LRRC69: variants seen among roughly 807,000 people sequenced by gnomAD.
LRRC69 encodes leucine rich repeat containing 69.
Under a neutral mutation model 37.8 loss-of-function variants are expected in LRRC69, and 42 were observed. That is an observed-to-expected ratio of 1.11 (90% confidence interval 0.87 to 1.44). LRRC69 has a LOEUF of 1.44. LRRC69 is among the 40% of genes most tolerant of loss of function. The probability of loss-of-function intolerance (pLI) is 0.00; values close to 1 mark genes in which losing one functional copy is unlikely to be tolerated. For missense variants in LRRC69, 357 were observed against 401.9 expected, an observed-to-expected ratio of 0.89 and a Z score of 0.96; for synonymous variants, 141 against 143.1, an observed-to-expected ratio of 0.99 and a Z score of 0.11.
rs570129113 is a variant in LRRC69 at position 91,181,998 on chromosome 8, C to T, written c.652-7524C>T. Among the ~76,000 whole-genome samples, 12 of 152,258 alleles carry T rather than the reference C, an allele frequency of 7.9e-5. No homozygotes were observed. In the South Asian group the frequency reaches 1.9e-3, roughly 24 times the overall value. On this transcript the variant is annotated intron_variant, in intron 5 of 7. Transcript: ENST00000448384. ...AAAATATGGAAAAATAAAAGACTAT[C>T]AGCTTTGATATTGACAGGCACATTT...
At chr8:91,136,568 C>T (rs925669985) in intron 5 of LRRC69, among the ~76,000 whole-genome samples, 8 of 151,992 alleles carry the variant, frequency 5.3e-5, no homozygotes, top group South Asian at 4.1e-4. Context: ...GTACTAAGTA[C>T]TTTCACATTG....
At chr8:91,150,814 G>T (rs1408255006) in intron 5 of LRRC69, among the ~76,000 whole-genome samples, 1 of 151,972 alleles carries the variant, frequency 6.6e-6, no homozygotes, top group Non-Finnish European at 1.5e-5. Context: ...TTAGTCTTGG[G>T]AGAGTGTATG....
chr8:91,173,507 T>C (rs4259381), intron 5 of LRRC69, among the ~76,000 whole-genome samples: 1 of 151,596 alleles, frequency 6.6e-6, no homozygotes, highest in South Asian at 2.1e-4. Flanking sequence ...TGTATGCCTA[T>C]TTTTACCGTC....
intron 6 of LRRC69, among the ~76,000 whole-genome samples, chr8:91,192,327 G>A (rs1809512586): frequency 6.6e-6 from 1 of 152,092 alleles, no homozygotes; most frequent in Admixed American, 6.5e-5. Flanking sequence ...TGTCTTTACA[G>A]CAGCATGATT....
chr8:91,159,787 C>T (rs535224453), intron 5 of LRRC69, among the ~76,000 whole-genome samples: 1 of 151,176 alleles, frequency 6.6e-6, no homozygotes, highest in African/African-American at 2.4e-5. Flanking sequence ...TTCTCAAAAA[C>T]ATAGAGAAAT....
intron 6 of LRRC69, 36 bp from the exon 7 acceptor site, chr8:91,200,577 A>G (rs1168053223): frequency 7.6e-7 from 1 of 1,311,392 alleles, no homozygotes; most frequent in Non-Finnish European, 1.0e-6. Context: ...AGTTTTGAAA[A>G]CAATCTGAGG....
chr8:91,111,842 C>T (rs1172434994), intron 1 of LRRC69, among the ~76,000 whole-genome samples: 2 of 151,508 alleles, frequency 1.3e-5, no homozygotes, highest in Admixed American at 6.6e-5. Context: ...CACAAGTTTA[C>T]CTATGTAACA....
At chr8:91,144,953 A>G (rs1415868608) in intron 5 of LRRC69, among the ~76,000 whole-genome samples, 1 of 152,010 alleles carries the variant, frequency 6.6e-6, no homozygotes, top group Admixed American at 6.6e-5. Context: ...TCCATATATG[A>G]GCAGTAACAC....
At chr8:91,107,661 G>A (rs541917273) in intron 1 of LRRC69, among the ~76,000 whole-genome samples, 1 of 152,104 alleles carries the variant, frequency 6.6e-6, no homozygotes, top group East Asian at 1.9e-4. Context: ...ATGATAAAAT[G>A]AGGGGGTAGG....
intron 5 of LRRC69, among the ~76,000 whole-genome samples, chr8:91,159,413 G>T (rs1563609243): frequency 6.6e-6 from 1 of 151,170 alleles, no homozygotes; most frequent in African/African-American, 2.4e-5. Flanking sequence ...TAGAATTTCT[G>T]CCAAGCCTTA....
chr8:91,119,353 A>G (rs1241801017), intron 1 of LRRC69, among the ~76,000 whole-genome samples: 1 of 152,092 alleles, frequency 6.6e-6, no homozygotes, highest in East Asian at 1.9e-4. Flanking sequence ...ATTTAAAGGC[A>G]ATCAGTGAAT....
intron 1 of LRRC69, among the ~76,000 whole-genome samples, chr8:91,105,637 G>A: frequency 6.7e-6 from 1 of 149,978 alleles, no homozygotes; most frequent in East Asian, 1.9e-4. Context: ...ACTCCAGCCT[G>A]GGCTGCAGAG....
chr8:91,116,506 A>G (rs970788092), intron 1 of LRRC69, among the ~76,000 whole-genome samples: 1 of 149,620 alleles, frequency 6.7e-6, no homozygotes, highest in East Asian at 2.0e-4. Flanking sequence ...TTTTGTGAGC[A>G]TGTGTATGTG....
At chr8:91,118,532 GAAA>G (rs201180971) in intron 1 of LRRC69, 1 of 232,442 alleles carries the variant, frequency 4.3e-6, no homozygotes, top group African/African-American at 2.4e-5. Context: ...GTCTCAAAAG[GAAA>G]AAAAAATTCT....
At chr8:91,161,977 A>G (rs573248228) in intron 5 of LRRC69, among the ~76,000 whole-genome samples, 16 of 151,490 alleles carry the variant, frequency 1.1e-4, no homozygotes, top group Middle Eastern at 3.4e-3. Flanking sequence ...TTGTTTCAAG[A>G]AACTTAAAAG....
At chr8:91,124,773 CT>C in intron 2 of LRRC69, 154 bp downstream of exon 2, 2 of 600,606 alleles carry the variant, frequency 3.3e-6, no homozygotes, top group South Asian at 2.3e-5. Flanking sequence ...GGAGACAACA[CT>C]TTTAAAAAAG....
intron 5 of LRRC69, among the ~76,000 whole-genome samples, chr8:91,162,391 C>T (rs1167315369): frequency 6.6e-6 from 1 of 151,330 alleles, no homozygotes; most frequent in African/African-American, 2.4e-5. Context: ...TCTATCTCTC[C>T]CTTTAGTTCT....
rs1207587268 is a variant in LRRC69, at chr8:91,194,837, A to T, written c.753+5214A>T. Among the ~76,000 whole-genome samples, 4 of 151,704 alleles carry T rather than the reference A, an allele frequency of 2.6e-5. No individual in the cohort carries two copies. In the East Asian group the frequency reaches 7.7e-4, roughly 29 times the overall value. ...TTTTTGAAGGGTTTTTTGTGTCTGT[A>T]TTTCCTTCAGTTCTGCTCTGATTTT... On this transcript the variant is annotated intron_variant, in intron 6 of 7. Coordinates refer to ENST00000448384, the Ensembl canonical transcript of LRRC69.
intron 5 of LRRC69, among the ~76,000 whole-genome samples, chr8:91,168,215 T>C (rs1809062672): frequency 6.6e-6 from 1 of 151,918 alleles, no homozygotes; most frequent in Non-Finnish European, 1.5e-5. Context: ...CTTACGACAT[T>C]GTAAGAATGA....
Sources: allele counts gnomAD v4.1 joint callset (sites outside exome capture counted in the v4.1 genomes callset), GRCh38; gene constraint gnomAD v4.1.1; transcripts MANE v1.5; gene names NCBI Gene and HGNC (gene_info 2026-07-23, HGNC 2026-07-21).